USP7: variants seen among roughly 807,000 people sequenced by gnomAD.
USP7 encodes ubiquitin C-terminal hydrolase 7.
A neutral mutation model predicts 162.9 loss-of-function variants in USP7; 9 were observed. That is an observed-to-expected ratio of 0.06 (90% CI 0.03 to 0.10). The LOEUF (loss-of-function observed/expected upper bound fraction) is 0.10, where lower values mean the gene tolerates loss of function less well. Ranked by LOEUF, USP7 falls within the 10% of genes least tolerant of loss-of-function variation. The probability of loss-of-function intolerance (pLI) is 1.00; values close to 1 mark genes in which losing one functional copy is unlikely to be tolerated. For missense variants in USP7, 715 were observed against 1,373.7 expected (o/e 0.52, Z 7.58); for synonymous variants, 562 against 475.9 (o/e 1.18, Z -2.35).
chr16:8,903,173 C>T (rs1288377268), intron 16 of USP7, 95 bp downstream of exon 16: 1 of 1,505,526 alleles, frequency 6.6e-7, no homozygotes, highest in African/African-American at 1.4e-5. Flanking sequence ...GGACACAGCA[C>T]CTACCCCCAA....
chr16:8,941,208 C>A (rs1243103809), intron 1 of USP7, among the ~76,000 whole-genome samples: 3 of 152,196 alleles, frequency 2.0e-5, no homozygotes, highest in African/African-American at 7.2e-5. Flanking sequence ...GACTGGATAC[C>A]TGAAACCTCT....
intron 22 of USP7, 140 bp downstream of exon 22, chr16:8,899,464 A>C: frequency 9.1e-7 from 1 of 1,096,004 alleles, no homozygotes; most frequent in Non-Finnish European, 1.3e-6. Context: ...AGAGAGCCTG[A>C]ATCCATCAGT....
intron 1 of USP7, among the ~76,000 whole-genome samples, chr16:8,935,270 G>A (rs1042347706): frequency 2.0e-5 from 3 of 147,842 alleles, no homozygotes; most frequent in East Asian, 2.0e-4. Context: ...GTGTGACCTC[G>A]GCTCACTGGA....
At chr16:8,912,978 A>G (rs2061972096) in intron 10 of USP7, among the ~76,000 whole-genome samples, 1 of 152,230 alleles carries the variant, frequency 6.6e-6, no homozygotes, top group Non-Finnish European at 1.5e-5. Flanking sequence ...CAGAGAAAGG[A>G]GACTAGGACA....
intron 1 of USP7, among the ~76,000 whole-genome samples, chr16:8,951,437 A>G (rs1446482456): frequency 1.3e-5 from 2 of 152,176 alleles, no homozygotes; most frequent in East Asian, 3.8e-4. Context: ...AAGGCTCCAC[A>G]GAGAACACAG....
In USP7 at chr16:8,893,719, C is replaced by CT. The variant is rs1298554577; in HGVS notation, c.*278dup. The CT allele has an allele frequency of 2.7e-6, 1 of 377,296 alleles. No homozygotes were observed. Among genetic ancestry groups the CT allele is most frequent in the African/African-American group, 2.1e-5 (1 of 48,498 alleles). The allele number at this position is 377,296 out of a possible 1,614,324, so 23.4% of individuals were successfully genotyped here. On this transcript the variant is annotated 3_prime_UTR_variant, in exon 31 of 31. Transcript: ENST00000344836. ...AGCCAGGGACCCCCGATCCACTAAC[C>CT]TCTTCTCCCCCATTGCGCTGACAGT...
intron 21 of USP7, chr16:8,900,006 C>A: frequency 1.8e-6 from 1 of 562,872 alleles, no homozygotes; most frequent in East Asian, 3.1e-5. Context: ...AAAACAAAAC[C>A]CCCTTAGGTA....
chr16:8,920,002 G>C (rs1475613190), intron 5 of USP7, among the ~76,000 whole-genome samples: 1 of 152,122 alleles, frequency 6.6e-6, no homozygotes, highest in African/African-American at 2.4e-5. Context: ...CTCACACTCG[G>C]AGAGGACTTC....
chr16:8,902,846 C>G (rs923722213), intron 16 of USP7, among the ~76,000 whole-genome samples: 1 of 151,976 alleles, frequency 6.6e-6, no homozygotes, highest in Admixed American at 6.5e-5. Context: ...CAAGATCGCG[C>G]CACTGGGCAA....
At chr16:8,943,481 T>A (rs1196126094) in intron 1 of USP7, among the ~76,000 whole-genome samples, 1 of 151,264 alleles carries the variant, frequency 6.6e-6, no homozygotes, top group South Asian at 2.1e-4. Flanking sequence ...TGGATGGAGA[T>A]CTGTGACACA....
chr16:8,941,546 A>G (rs1245510489), intron 1 of USP7, among the ~76,000 whole-genome samples: 1 of 152,166 alleles, frequency 6.6e-6, no homozygotes, highest in Non-Finnish European at 1.5e-5. Context: ...GCCAAAACAC[A>G]TTTCGGCTTT....
intron 1 of USP7, among the ~76,000 whole-genome samples, chr16:8,945,934 A>C (rs1899254967): frequency 6.6e-6 from 1 of 152,186 alleles, no homozygotes; most frequent in Non-Finnish European, 1.5e-5. Flanking sequence ...TTGAGAAATC[A>C]CATTACCTGA....
chr16:8,931,189 TC>T (rs1347911086), intron 1 of USP7, among the ~76,000 whole-genome samples: 1 of 148,636 alleles, frequency 6.7e-6, no homozygotes, highest in South Asian at 2.1e-4. Flanking sequence ...AACACATGCA[TC>T]TTTTTTTTTT....
intron 1 of USP7, among the ~76,000 whole-genome samples, chr16:8,951,828 T>C (rs780237390): frequency 1.3e-5 from 2 of 152,376 alleles, no homozygotes; most frequent in East Asian, 3.9e-4. Flanking sequence ...ACTGAACACC[T>C]GATTCACAAA....
At chr16:8,954,654 A>T (rs766256394) in intron 1 of USP7, among the ~76,000 whole-genome samples, 4 of 152,230 alleles carry the variant, frequency 2.6e-5, no homozygotes, top group Non-Finnish European at 5.9e-5. Flanking sequence ...GAAGGTATGT[A>T]TTCATTTGAG....
Position 8,930,804 on chromosome 16 carries a change from A to T in USP7, c.80-407T>A, listed in dbSNP as rs543458184. On this transcript the variant is annotated intron_variant, in intron 1 of 30. Coordinates refer to ENST00000344836, the MANE Select transcript of USP7 (RefSeq NM_003470.3). ...GCCAACATGGTGAAACCCCGTCTCTACTAGAAATGCAAAAATTAGCTGGGT... is the reference window on the plus strand; with the variant it reads ...GCCAACATGGTGAAACCCCGTCTCTTCTAGAAATGCAAAAATTAGCTGGGT... Among the ~76,000 whole-genome samples the T allele has an allele frequency of 6.6e-5, 10 of 152,276 alleles. No individual in the cohort carries two copies. In the South Asian group the frequency reaches 1.9e-3, roughly 28 times the overall value.
Position 8,893,674 on chromosome 16 carries a change from G to C in USP7, c.*324C>G, listed in dbSNP as rs1393493947. On this transcript the variant is annotated 3_prime_UTR_variant, in exon 31 of 31. Coordinates refer to ENST00000344836, the MANE Select transcript of USP7 (RefSeq NM_003470.3). ...GCAGCCGAGCCACTCGTGCCCACTAGGGACAGCCCAGAGACCTTGAGCCAG... is the reference window on the plus strand; with the variant it reads ...GCAGCCGAGCCACTCGTGCCCACTACGGACAGCCCAGAGACCTTGAGCCAG... The C allele has an allele frequency of 3.5e-6, 1 of 282,912 alleles. No homozygotes were observed. Among genetic ancestry groups the C allele is most frequent in the Non-Finnish European group, 6.9e-6 (1 of 144,096 alleles). The allele number at this position is 282,912 out of a possible 1,614,324, so 17.5% of individuals were successfully genotyped here. A position where few individuals can be genotyped will look rare whatever the true frequency, so the allele number is the denominator to read the frequency against.
At chr16:8,942,704 C>T (rs930485220) in intron 1 of USP7, among the ~76,000 whole-genome samples, 1 of 152,166 alleles carries the variant, frequency 6.6e-6, no homozygotes, top group African/African-American at 2.4e-5. Context: ...CACACCACCA[C>T]ACTCAGCTAG....
At position 8,954,784 on chromosome 16, in the gene USP7, C is replaced by A. The variant is rs567456766; in HGVS notation, c.79+8423G>T. 5.3e-5 allele frequency among the ~76,000 whole-genome samples: 8 copies of A among 151,984 alleles called. No individual in the cohort carries two copies. The East Asian group carries it at 1.2e-3, about 22-fold the overall frequency. ...GAGATCGAGACCATCCATGGTAAAA[C>A]CCCCCCTCTACTAAAGATACAAAAA... On this transcript the variant is annotated intron_variant, in intron 1 of 30. Transcript: ENST00000344836.
Sources: gnomAD v4.1 joint callset for allele counts (sites outside exome capture counted in the v4.1 genomes callset) on GRCh38, gnomAD v4.1.1 for gene constraint, MANE v1.5 for transcripts, NCBI Gene and HGNC (gene_info 2026-07-23, HGNC 2026-07-21) for gene names.